CDH23: variants seen among roughly 807,000 people sequenced by gnomAD.
CDH23 encodes the protein cadherin-23.
Under a neutral mutation model 317.1 loss-of-function variants are expected in CDH23, and 189 were observed. The ratio of observed to expected loss-of-function variants is 0.60; its 90% CI spans 0.53 to 0.67. CDH23 has a LOEUF of 0.67. CDH23 is among the 30% of genes least tolerant of loss of function. CDH23 has a pLI of 0.00. For missense variants in CDH23, 4,401 were observed against 4,592.4 expected, an observed-to-expected ratio of 0.96 and a Z score of 1.20; for synonymous variants, 1,839 against 1,876.8, an observed-to-expected ratio of 0.98 and a Z score of 0.52.
chr10:71,607,376 G>A (rs1860593690), intron 9 of CDH23, among the ~76,000 whole-genome samples: 1 of 152,246 alleles, frequency 6.6e-6, no homozygotes, highest in African/African-American at 2.4e-5. Flanking sequence ...ATGATCGAGT[G>A]CAGGTTATTT....
Position 71,815,227 on chromosome 10 carries a change from C to T in CDH23, c.10014C>T (p.His3338=). The part of the protein sequence containing the change: ...RTESAKSTPL[H]KLRDVIMETP... ...AATCCGCCAAATCCACACCCCTGCA[C>T]AAACTTCGCGACGTGATCATGGAGA... The change falls in exon 70 of 70, where the codon CAC becomes CAT. Residue 3338 remains histidine, a synonymous_variant. Coordinates refer to ENST00000224721, the MANE Select transcript of CDH23 (RefSeq NM_022124.6). The T allele has an allele frequency of 6.3e-7, 1 of 1,598,938 alleles. No individual in the cohort carries two copies. The highest frequency in any genetic ancestry group is 8.6e-7 in the Non-Finnish European group (1 of 1,168,998).
chr10:71,501,040 G>C (rs1158213853), intron 3 of CDH23, among the ~76,000 whole-genome samples: 1 of 151,822 alleles, frequency 6.6e-6, no homozygotes, highest in African/African-American at 2.4e-5. Flanking sequence ...GCTAACTTTT[G>C]TATTTTTAGT....
intron 35 of CDH23, among the ~76,000 whole-genome samples, 200 bp downstream of exon 35, chr10:71,738,847 G>C (rs1686446132): frequency 6.6e-6 from 1 of 152,264 alleles, no homozygotes; most frequent in African/African-American, 2.4e-5. Context: ...GCCCTGCCTG[G>C]GTCATGTGGA....
At chr10:71,562,368 T>C (rs577980163) in intron 6 of CDH23, among the ~76,000 whole-genome samples, 18 of 152,226 alleles carry the variant, frequency 1.2e-4, no homozygotes, top group African/African-American at 4.1e-4. Context: ...CTGGAGACGG[T>C]TAAAAAGAAG....
intron 11 of CDH23, among the ~76,000 whole-genome samples, chr10:71,628,941 C>T (rs1044946412): frequency 7.9e-5 from 12 of 152,162 alleles, no homozygotes; most frequent in East Asian, 5.8e-4. Flanking sequence ...ATGGGCAAAA[C>T]GAGGCTCAGA....
At chr10:71,623,470 C>T (rs1861564195) in intron 11 of CDH23, among the ~76,000 whole-genome samples, 2 of 152,210 alleles carry the variant, frequency 1.3e-5, no homozygotes, top group South Asian at 4.1e-4. Flanking sequence ...AGGGCTTTGT[C>T]AGGCACAGGA....
At chr10:71,608,770 G>A (rs1860681026) in intron 9 of CDH23, among the ~76,000 whole-genome samples, 1 of 152,224 alleles carries the variant, frequency 6.6e-6, no homozygotes, top group Non-Finnish European at 1.5e-5. Flanking sequence ...GGGCTCAGAG[G>A]AGCCAGAGGT....
intron 60 of CDH23, among the ~76,000 whole-genome samples, chr10:71,809,524 AACAG>A (rs969089188): frequency 3.9e-5 from 6 of 152,260 alleles, no homozygotes; most frequent in South Asian, 2.1e-4. Flanking sequence ...AGAGAGGAGA[AACAG>A]ACAGACACTC....
At position 71,803,125 on chromosome 10, in the gene CDH23, G is replaced by A. The variant is rs1333569356; in HGVS notation, c.7660+50G>A. ...ATGATGTCTTGGGGGGTGGGAGGGGGAGGCCTGCCAGCCCAGGCCAGGAGT... is the reference window on the plus strand; with the variant it reads ...ATGATGTCTTGGGGGGTGGGAGGGGAAGGCCTGCCAGCCCAGGCCAGGAGT... On this transcript the variant is annotated intron_variant, in intron 54 of 69. Coordinates refer to ENST00000224721, the MANE Select transcript of CDH23 (RefSeq NM_022124.6). 5 of 1,596,072 alleles carry A rather than the reference G, an allele frequency of 3.1e-6. No homozygotes were observed. The South Asian group carries it at 3.3e-5, about 11-fold the overall frequency.
intron 28 of CDH23, chr10:71,716,197 G>T: frequency 6.4e-7 from 1 of 1,551,278 alleles, no homozygotes; most frequent in East Asian, 2.4e-5. Flanking sequence ...TGGCCAGCAG[G>T]AGGAAGATGC....
At chr10:71,570,154 C>T (rs888210421) in intron 7 of CDH23, among the ~76,000 whole-genome samples, 1 of 152,060 alleles carries the variant, frequency 6.6e-6, no homozygotes, top group Non-Finnish European at 1.5e-5. Context: ...TTCTCGGAGT[C>T]CCCCAGATGT....
chr10:71,741,087 C>T (rs183995386), intron 37 of CDH23, 137 bp downstream of exon 37: 6 of 986,626 alleles, frequency 6.1e-6, no homozygotes, highest in Admixed American at 5.5e-5. Context: ...GTGGCTCATT[C>T]GTAGTGATAG....
At chr10:71,461,592 T>A (rs1171068623) in intron 3 of CDH23, among the ~76,000 whole-genome samples, 5 of 152,204 alleles carry the variant, frequency 3.3e-5, no homozygotes, top group African/African-American at 1.2e-4. Flanking sequence ...TTTTGCACGA[T>A]CCATGTCTCC....
intron 1 of CDH23, among the ~76,000 whole-genome samples, chr10:71,431,171 A>G (rs1849354119): frequency 6.6e-6 from 1 of 152,214 alleles, no homozygotes; most frequent in Non-Finnish European, 1.5e-5. Flanking sequence ...TGCTCCCCAA[A>G]AGAATAAAGT....
At chr10:71,488,680 T>A (rs561833695) in intron 3 of CDH23, among the ~76,000 whole-genome samples, 2 of 152,358 alleles carry the variant, frequency 1.3e-5, no homozygotes, top group South Asian at 4.1e-4. Flanking sequence ...CAGTGGGAAC[T>A]GAGAAAGCTC....
chr10:71,538,135 C>A (rs1855801167), intron 6 of CDH23, among the ~76,000 whole-genome samples: 1 of 152,148 alleles, frequency 6.6e-6, no homozygotes, highest in South Asian at 2.1e-4. Context: ...TGCTCCTGGC[C>A]CTACCCGCCC....
intron 6 of CDH23, among the ~76,000 whole-genome samples, chr10:71,520,496 A>G (rs924845176): frequency 6.6e-6 from 1 of 152,206 alleles, no homozygotes; most frequent in Admixed American, 6.5e-5. Context: ...TGGGCCATCA[A>G]AGGTGGCTGG....
chr10:71,689,303 G>C (rs1865096670), intron 19 of CDH23, among the ~76,000 whole-genome samples: 1 of 151,974 alleles, frequency 6.6e-6, no homozygotes, highest in Non-Finnish European at 1.5e-5. Context: ...TACCACTCTG[G>C]CACCTGACAA....
intron 19 of CDH23, among the ~76,000 whole-genome samples, chr10:71,688,144 G>A (rs1312221344): frequency 6.6e-6 from 1 of 152,210 alleles, no homozygotes. Context: ...GTGAGGATGC[G>A]ATTGAGAGGC....
Sources: allele counts gnomAD v4.1 joint callset (sites outside exome capture counted in the v4.1 genomes callset), GRCh38; gene constraint gnomAD v4.1.1; transcripts MANE v1.5; gene names NCBI Gene and HGNC (gene_info 2026-07-23, HGNC 2026-07-21).